The following CNTN6 variants were observed in gnomAD, a reference collection of about 807,000 sequenced individuals.
CNTN6 encodes contactin-6.
CNTN6 carries 137 observed loss-of-function variants against 122.8 expected under a neutral mutation model. That is an observed-to-expected ratio of 1.12 (90% CI 0.97 to 1.29). CNTN6 has a LOEUF of 1.29. CNTN6 is among the 50% of genes most tolerant of loss of function. The probability of loss-of-function intolerance (pLI) is 0.00; values close to 1 mark genes in which losing one functional copy is unlikely to be tolerated. For missense variants in CNTN6, 1,634 were observed against 1,223.4 expected (o/e 1.34, Z -5.01); for synonymous variants, 570 against 426.0 (o/e 1.34, Z -4.16).
chr3:1,400,083 G>T (rs780666078), intron 20 of CNTN6, among the ~76,000 whole-genome samples: 1 of 152,066 alleles, frequency 6.6e-6, no homozygotes, highest in Non-Finnish European at 1.5e-5. Flanking sequence ...TTAAACAGCA[G>T]TTGACTCAAA....
intron 7 of CNTN6, among the ~76,000 whole-genome samples, chr3:1,300,537 G>T (rs573452179): frequency 4.5e-5 from 6 of 133,464 alleles, no homozygotes; most frequent in African/African-American, 9.3e-5. Context: ...TAAAGAAAGA[G>T]AGAGAAAGAA....
intron 1 of CNTN6, among the ~76,000 whole-genome samples, chr3:1,129,916 G>A (rs1411332735): frequency 6.6e-6 from 1 of 151,982 alleles, no homozygotes; most frequent in Non-Finnish European, 1.5e-5. Context: ...AGTTTTTCAA[G>A]ACTTTTATAA....
intron 2 of CNTN6, among the ~76,000 whole-genome samples, chr3:1,157,679 C>G (rs2093006123): frequency 6.6e-6 from 1 of 152,072 alleles, no homozygotes; most frequent in African/African-American, 2.4e-5. Context: ...CTCTAGTAAC[C>G]ATCCTTCTAC....
At chr3:1,115,708 T>G (rs1173718717) in intron 1 of CNTN6, among the ~76,000 whole-genome samples, 1 of 152,138 alleles carries the variant, frequency 6.6e-6, no homozygotes, top group African/African-American at 2.4e-5. Flanking sequence ...GCTGAGATAG[T>G]GCCACTGCAC....
intron 1 of CNTN6, among the ~76,000 whole-genome samples, chr3:1,099,236 G>A (rs2090725313): frequency 6.6e-6 from 1 of 152,056 alleles, no homozygotes; most frequent in Non-Finnish European, 1.5e-5. Flanking sequence ...CGGATCACGA[G>A]GTCAGGAGAT....
At chr3:1,215,705 C>T (rs936188629) in intron 2 of CNTN6, among the ~76,000 whole-genome samples, 2 of 152,120 alleles carry the variant, frequency 1.3e-5, no homozygotes, top group African/African-American at 4.8e-5. Flanking sequence ...TTTATTGCTG[C>T]AATATATTTG....
At chr3:1,244,365 AGGGG>A (rs2094529088) in intron 4 of CNTN6, among the ~76,000 whole-genome samples, 2 of 150,410 alleles carry the variant, frequency 1.3e-5, no homozygotes, top group African/African-American at 4.9e-5. Flanking sequence ...GTGAAGGAGA[AGGGG>A]TTGAGGGGTA....
intron 11 of CNTN6, among the ~76,000 whole-genome samples, chr3:1,330,518 C>T (rs1039066908): frequency 1.3e-5 from 2 of 151,892 alleles, no homozygotes; most frequent in African/African-American, 4.8e-5. Flanking sequence ...TTTTTCTCTA[C>T]TTGTAATATC....
chr3:1,321,762 G>A lies in CNTN6; in HGVS notation c.874G>A (p.Glu292Lys). 6.2e-7 allele frequency: 1 copy of A among 1,611,942 alleles called. No individual in the cohort carries two copies. The highest frequency in any genetic ancestry group is 8.5e-7 in the Non-Finnish European group (1 of 1,178,688). ...LEIPNFQQED[E>K]GFYECIASNL... Reference sequence around the variant, plus strand: ...AATCCCGAACTTCCAACAAGAAGATGAAGGCTTTTATGAGTGCATTGCAAG... The same window carrying A: ...AATCCCGAACTTCCAACAAGAAGATAAAGGCTTTTATGAGTGCATTGCAAG... Residue 292 changes from glutamate to lysine, a missense_variant, in exon 8 of 23, where the codon GAA (glutamate) becomes AAA (lysine). By Grantham distance (56) the Glu-to-Lys change is moderately conservative. Coordinates refer to ENST00000446702, the MANE Select transcript of CNTN6 (RefSeq NM_001289080.2).
In CNTN6 at chr3:1,124,233, A is replaced by G. The variant is rs570073645; in HGVS notation, c.-82-23694A>G. Among the ~76,000 whole-genome samples, 5 of 152,036 alleles carry G rather than the reference A, an allele frequency of 3.3e-5. No homozygotes were observed. The East Asian group carries it at 9.7e-4, about 29-fold the overall frequency. ...GAGGAAAGCGTTCCTTTGTCTCACA[A>G]CAAAGGATTAGCCAGGCCAACGCGC... On this transcript the variant is annotated intron_variant, in intron 1 of 22. Transcript: ENST00000446702.
chr3:1,253,220 A>G (rs549864426), intron 4 of CNTN6, among the ~76,000 whole-genome samples: 1 of 152,290 alleles, frequency 6.6e-6, no homozygotes, highest in South Asian at 2.1e-4. Context: ...TACCAAGCCC[A>G]GCATTGTGAC....
intron 2 of CNTN6, among the ~76,000 whole-genome samples, chr3:1,156,382 A>T (rs896734513): frequency 1.3e-5 from 2 of 152,230 alleles, no homozygotes; most frequent in Non-Finnish European, 2.9e-5. Context: ...TCTCAAATAT[A>T]TGCTCATTCT....
At chr3:1,250,934 C>G (rs2094656501) in intron 4 of CNTN6, among the ~76,000 whole-genome samples, 2 of 151,078 alleles carry the variant, frequency 1.3e-5, no homozygotes, top group Admixed American at 1.3e-4. Flanking sequence ...GATCCCTCCT[C>G]CCTCATATCT....
intron 4 of CNTN6, among the ~76,000 whole-genome samples, chr3:1,262,186 G>A (rs1266174301): frequency 2.0e-5 from 3 of 152,080 alleles, no homozygotes; most frequent in Non-Finnish European, 4.4e-5. Flanking sequence ...TCAAAAATCC[G>A]AAGTAAGAGT....
chr3:1,246,090 A>G (rs895576578), intron 4 of CNTN6, among the ~76,000 whole-genome samples: 1 of 152,248 alleles, frequency 6.6e-6, no homozygotes, highest in East Asian at 1.9e-4. Context: ...TATATACAGA[A>G]AAGTACAAAA....
At chr3:1,267,784 T>G (rs190701721) in intron 4 of CNTN6, among the ~76,000 whole-genome samples, 1 of 152,282 alleles carries the variant, frequency 6.6e-6, no homozygotes, top group Non-Finnish European at 1.5e-5. Flanking sequence ...TTCAACAAGC[T>G]GATCTTTGGA....
intron 7 of CNTN6, among the ~76,000 whole-genome samples, chr3:1,303,624 A>G (rs1697815035): frequency 6.6e-6 from 1 of 152,066 alleles, no homozygotes; most frequent in Admixed American, 6.6e-5. Context: ...TCGCTTGCTA[A>G]TTCTATCATC....
chr3:1,339,398 A>G (rs1357838485), intron 11 of CNTN6, among the ~76,000 whole-genome samples: 3 of 152,122 alleles, frequency 2.0e-5, no homozygotes, highest in Admixed American at 2.0e-4. Flanking sequence ...GTGGCAAACC[A>G]ATTTGACGGG....
chr3:1,399,378 G>C (rs907306775), intron 20 of CNTN6, among the ~76,000 whole-genome samples: 1 of 152,074 alleles, frequency 6.6e-6, no homozygotes, highest in African/African-American at 2.4e-5. Flanking sequence ...CAGACCTTTA[G>C]AAATAAATAT....
Sources: allele counts gnomAD v4.1 joint callset (sites outside exome capture counted in the v4.1 genomes callset), GRCh38; gene constraint gnomAD v4.1.1; transcripts MANE v1.5; gene names NCBI Gene and HGNC (gene_info 2026-07-23, HGNC 2026-07-21).